Variants in ANO4 observed in about 807,000 individuals in gnomAD.
The protein encoded by ANO4 is anoctamin 4.
ANO4 carries 69 observed loss-of-function variants against 141.9 expected under a neutral mutation model. The ratio of observed to expected loss-of-function variants is 0.49; its 90% CI spans 0.40 to 0.59. The LOEUF is 0.59. ANO4 is among the 20% of genes least tolerant of loss of function. The pLI, the probability that ANO4 is intolerant of heterozygous loss-of-function variation, is 0.00. For synonymous variants in ANO4, 350 were observed against 394.3 expected, an observed-to-expected ratio of 0.89 and a Z score of 1.33; for missense variants, 894 against 1,162.2, an observed-to-expected ratio of 0.77 and a Z score of 3.36.
intron 1 of ANO4, among the ~76,000 whole-genome samples, chr12:100,880,297 G>A (rs2039504772): frequency 6.6e-6 from 1 of 152,204 alleles, no homozygotes; most frequent in Non-Finnish European, 1.5e-5. Context: ...AGCAGTGGTA[G>A]TAATAGCAAT....
chr12:101,004,322 T>G (rs754067722), intron 8 of ANO4, among the ~76,000 whole-genome samples: 3 of 151,988 alleles, frequency 2.0e-5, no homozygotes, highest in Non-Finnish European at 1.5e-5. Context: ...CTCGGACTCC[T>G]GGGGAGGAGA....
chr12:100,897,093 G>C (rs780481994), intron 1 of ANO4, among the ~76,000 whole-genome samples: 15 of 152,196 alleles, frequency 9.9e-5, no homozygotes, highest in Non-Finnish European at 2.1e-4. Flanking sequence ...CCACTACTTT[G>C]TACTAACCTC....
intron 14 of ANO4, among the ~76,000 whole-genome samples, chr12:101,049,346 C>G (rs1045950031): frequency 1.9e-4 from 29 of 152,140 alleles, no homozygotes; most frequent in Non-Finnish European, 3.4e-4. Context: ...GTCATCTGCT[C>G]CAGCCAAAAG....
intron 1 of ANO4, among the ~76,000 whole-genome samples, chr12:100,722,252 C>T (rs1457997141): frequency 2.0e-5 from 3 of 152,216 alleles, no homozygotes; most frequent in Non-Finnish European, 4.4e-5. Flanking sequence ...AGGCCACCAT[C>T]ATTGCCCACT....
chr12:100,974,819 T>C (rs1164162021), intron 6 of ANO4, 26 bp from the exon 7 acceptor site: 1 of 1,613,880 alleles, frequency 6.2e-7, no homozygotes, highest in Admixed American at 1.7e-5. Context: ...TCTTCTCGAC[T>C]GGCTTCATTT....
intron 7 of ANO4, among the ~76,000 whole-genome samples, chr12:100,984,697 C>A (rs140084853): frequency 1.8e-3 from 276 of 152,272 alleles, no homozygotes; most frequent in African/African-American, 6.4e-3. Flanking sequence ...CGCAAGAGAG[C>A]CACCCCAGTT....
rs114692608 is a variant in ANO4, at chr12:101,105,771, T to C, written c.2150-4633T>C. 8.5e-3 allele frequency among the ~76,000 whole-genome samples: 1,292 copies of C among 152,288 alleles called. 26 individuals are homozygous for C. The highest frequency in any genetic ancestry group is 0.03 in the African/African-American group (1,244 of 41,556). On this transcript the variant is annotated intron_variant, in intron 22 of 27. Transcript: ENST00000392977. Reference sequence around the variant, plus strand: ...TGAAAGAGAATTAAAATCTATAAAATAACTCTAGAATTGCAAAATATAAAT... The same window carrying C: ...TGAAAGAGAATTAAAATCTATAAAACAACTCTAGAATTGCAAAATATAAAT...
intron 11 of ANO4, 117 bp from the exon 12 acceptor site, chr12:101,042,217 C>G: frequency 7.7e-7 from 1 of 1,291,932 alleles, no homozygotes; most frequent in Non-Finnish European, 1.1e-6. Context: ...TCTTGGCTTA[C>G]CTTGCTTGCA....
chr12:101,003,882 C>T (rs1325555569), intron 8 of ANO4, among the ~76,000 whole-genome samples: 1 of 152,026 alleles, frequency 6.6e-6, no homozygotes, highest in East Asian at 1.9e-4. Flanking sequence ...AAGACCTGGG[C>T]AGAAGAGAGA....
chr12:101,068,729 A>T, intron 14 of ANO4: 1 of 1,305,748 alleles, frequency 7.7e-7, no homozygotes, highest in Non-Finnish European at 1.1e-6. Flanking sequence ...ACCAGATCTC[A>T]TAAAAATGTT....
intron 3 of ANO4, among the ~76,000 whole-genome samples, chr12:100,779,768 T>C (rs942152933): frequency 1.3e-5 from 2 of 152,164 alleles, no homozygotes; most frequent in African/African-American, 4.8e-5. Flanking sequence ...ATCTCCACCA[T>C]GCTGTCCCAT....
In ANO4 at chr12:100,922,349, T is replaced by G; in HGVS notation, c.160+19T>G. 6.7e-7 allele frequency: 1 copy of G among 1,498,740 alleles called. No homozygotes were observed. Among genetic ancestry groups the G allele is most frequent in the Non-Finnish European group, 8.9e-7 (1 of 1,125,950 alleles). 92.8% of individuals were successfully genotyped at this position (1,498,740 alleles called of 1,614,324 possible). A position where few individuals can be genotyped will look rare whatever the true frequency, so the allele number is the denominator to read the frequency against. On this transcript the variant is annotated intron_variant, in intron 3 of 27. Coordinates refer to ENST00000392977, the MANE Select transcript of ANO4 (RefSeq NM_001286615.2). ...CAAGAAAGTAAGTTTCACTCAAATT[T>G]TAAATTCGCCGTGAGAGAAGAAGCT...
intron 5 of ANO4, among the ~76,000 whole-genome samples, chr12:100,970,238 C>G (rs191545175): frequency 6.6e-6 from 1 of 152,330 alleles, no homozygotes; most frequent in Admixed American, 6.5e-5. Context: ...ATCATTTATT[C>G]TCTATGAAAC....
At chr12:100,744,342 A>G (rs1462059428) in intron 3 of ANO4, among the ~76,000 whole-genome samples, 2 of 152,182 alleles carry the variant, frequency 1.3e-5, no homozygotes, top group Non-Finnish European at 2.9e-5. Context: ...AAGAAAAAAA[A>G]GAGGCTAGGA....
intron 1 of ANO4, among the ~76,000 whole-genome samples, chr12:100,731,276 G>T (rs896022272): frequency 6.6e-6 from 1 of 152,086 alleles, no homozygotes; most frequent in South Asian, 2.1e-4. Context: ...TATTTAATAT[G>T]ACTCTTGTAA....
chr12:100,809,400 A>AG (rs2035261330), intron 1 of ANO4, among the ~76,000 whole-genome samples: 1 of 151,154 alleles, frequency 6.6e-6, no homozygotes, highest in Non-Finnish European at 1.5e-5. Flanking sequence ...AAAAAAAAAA[A>AG]GGGTAATGTG....
At chr12:100,896,336 T>C (rs1410481111) in intron 1 of ANO4, among the ~76,000 whole-genome samples, 3 of 152,112 alleles carry the variant, frequency 2.0e-5, no homozygotes, top group African/African-American at 7.2e-5. Context: ...GAGAAGGTGA[T>C]ATAATCACAG....
At chr12:100,756,925 C>CAGAGAAGTTCTGTA (rs1201858893) in intron 3 of ANO4, among the ~76,000 whole-genome samples, 1 of 152,166 alleles carries the variant, frequency 6.6e-6, no homozygotes, top group Admixed American at 6.5e-5. Context: ...TTATCTCAGA[C>CAGAGAAGTTCTGTA]CTCCAACCTG....
intron 17 of ANO4, among the ~76,000 whole-genome samples, chr12:101,092,538 CTG>C (rs912992250): frequency 6.8e-6 from 1 of 147,246 alleles, no homozygotes; most frequent in African/African-American, 2.5e-5. Flanking sequence ...GTGAGTCCCT[CTG>C]TGTGTGTGCC....
Sources: gnomAD v4.1 joint callset for allele counts (sites outside exome capture counted in the v4.1 genomes callset) on GRCh38, gnomAD v4.1.1 for gene constraint, MANE v1.5 for transcripts, NCBI Gene and HGNC (gene_info 2026-07-23, HGNC 2026-07-21) for gene names.